DSC3: variants seen among roughly 807,000 people sequenced by gnomAD.
DSC3 encodes the protein desmocollin-3.
Under a neutral mutation model 89.5 loss-of-function variants are expected in DSC3, and 97 were observed. That is an observed-to-expected ratio of 1.08 (90% confidence interval 0.92 to 1.28). DSC3 has a LOEUF of 1.28. Ranked by LOEUF, DSC3 falls within the 50% of genes most tolerant of loss-of-function variation. DSC3 has a pLI of 0.00. For missense variants in DSC3, 1,199 were observed against 1,085.3 expected, an observed-to-expected ratio of 1.10 and a Z score of -1.47; for synonymous variants, 436 against 384.1, an observed-to-expected ratio of 1.14 and a Z score of -1.58.
chr18:31,006,169 C>CCG (rs1463008071), intron 12 of DSC3, among the ~76,000 whole-genome samples: 1 of 152,108 alleles, frequency 6.6e-6, no homozygotes, highest in Non-Finnish European at 1.5e-5. Context: ...TTGCTATATC[C>CCG]CGCCAGGTTC....
intron 9 of DSC3, among the ~76,000 whole-genome samples, 168 bp from the exon 10 acceptor site, chr18:31,008,693 G>A (rs1310785908): frequency 6.6e-6 from 1 of 152,170 alleles, no homozygotes; most frequent in African/African-American, 2.4e-5. Context: ...CCCGTGCTAA[G>A]CCTCTACCAA....
chr18:31,032,158 T>C (rs1466434664), intron 2 of DSC3, 34 bp downstream of exon 2: 1 of 1,485,052 alleles, frequency 6.7e-7, no homozygotes, highest in Non-Finnish European at 9.4e-7. Context: ...GTAAACTAAA[T>C]TTCTGCTTTA....
At chr18:31,041,258 T>C (rs548102654) in intron 1 of DSC3, among the ~76,000 whole-genome samples, 2 of 152,212 alleles carry the variant, frequency 1.3e-5, no homozygotes, top group Non-Finnish European at 2.9e-5. Context: ...GCTTGTAAAC[T>C]GAAAAGCTGA....
At chr18:30,996,690 A>C in intron 15 of DSC3, 101 bp downstream of exon 15, 1 of 1,412,190 alleles carries the variant, frequency 7.1e-7, no homozygotes. Context: ...AGCAAGAGAG[A>C]GCCCACAGAA....
chr18:31,017,927 C>T (rs557796380), intron 9 of DSC3, 144 bp downstream of exon 9: 55 of 598,456 alleles, frequency 9.2e-5, no homozygotes, highest in Non-Finnish European at 1.3e-4. Context: ...GACACACAGG[C>T]ATGAGATTGG....
In DSC3 at chr18:30,997,060, A is replaced by AAAT. The variant is rs1344066553; in HGVS notation, c.2236-15_2236-13dup. 3.1e-6 allele frequency: 5 copies of AAAT among 1,614,166 alleles called. No individual in the cohort carries two copies. The highest frequency in any genetic ancestry group is 1.6e-4 in the Middle Eastern group (1 of 6,062). On this transcript the variant is annotated splice_polypyrimidine_tract_variant and intron_variant, in intron 14 of 15. Coordinates refer to ENST00000360428, the MANE Select transcript of DSC3 (RefSeq NM_001941.5). ...CCATTGGCAGAGCACTGAAATAATA[A>AAAT]AATGAAATAATTCATGTTGAGAGGA...
intron 9 of DSC3, among the ~76,000 whole-genome samples, chr18:31,011,724 G>A (rs1985065097): frequency 6.6e-6 from 1 of 151,938 alleles, no homozygotes; most frequent in Non-Finnish European, 1.5e-5. Context: ...CAGGCACGGT[G>A]GCTCACGTCT....
intron 9 of DSC3, among the ~76,000 whole-genome samples, chr18:31,015,972 CCTCTAGTTGACCTCAATG>C (rs1985222620): frequency 6.6e-6 from 1 of 152,100 alleles, no homozygotes; most frequent in African/African-American, 2.4e-5. Context: ...AGGACAGAGA[CCTCTAGTTGACCTCAATG>C]CTCATTATAT....
intron 9 of DSC3, among the ~76,000 whole-genome samples, chr18:31,012,257 T>A (rs1055657973): frequency 3.9e-5 from 6 of 152,064 alleles, no homozygotes; most frequent in Non-Finnish European, 8.8e-5. Flanking sequence ...AAATATAATT[T>A]AAAAAGTAAA....
chr18:31,022,694 G>A (rs926285823), intron 6 of DSC3, among the ~76,000 whole-genome samples, 192 bp from the exon 7 acceptor site: 1 of 152,112 alleles, frequency 6.6e-6, no homozygotes, highest in Middle Eastern at 3.2e-3. Context: ...ATAACACTTT[G>A]ATGCTGAAAA....
intron 1 of DSC3, among the ~76,000 whole-genome samples, chr18:31,042,075 A>G (rs933758130): frequency 2.6e-5 from 4 of 152,006 alleles, no homozygotes; most frequent in African/African-American, 9.7e-5. Flanking sequence ...CCCACTTCTC[A>G]GGGGCAGCCC....
At chr18:31,002,310 C>A (rs114184718) in intron 13 of DSC3, among the ~76,000 whole-genome samples, 3,069 of 152,178 alleles carry the variant, frequency 0.02, 114 homozygotes, top group African/African-American at 0.07. Context: ...TGGCAAAATC[C>A]CCAAACCCAG....
chr18:31,004,002 A>G, intron 13 of DSC3, 140 bp downstream of exon 13: 1 of 649,226 alleles, frequency 1.5e-6, no homozygotes, highest in East Asian at 2.7e-5. Flanking sequence ...TTCAAACACA[A>G]CTCAGGTAAT....
At position 31,007,121 on chromosome 18, in the gene DSC3, T is replaced by A. The variant is rs1235600566; in HGVS notation, c.1674A>T (p.Ser558=). The change falls in exon 12 of 16, where the codon TCA becomes TCT. Residue 558 remains serine, a synonymous_variant. Transcript: ENST00000360428. ...TVLAIDKDDR[S]CTGTLAVNIE... ...TGTTCACAGCAAGTGTTCCAGTACA[T>A]GATCTATCATCTAAGGAGACAGGAA... is the stretch of plus-strand genomic sequence containing the variant. 1.2e-6 allele frequency: 2 copies of A among 1,611,136 alleles called. No individual in the cohort carries two copies. The highest frequency in any genetic ancestry group is 1.7e-6 in the Non-Finnish European group (2 of 1,177,426).
chr18:31,028,813 A>G (rs1237109526), intron 4 of DSC3, among the ~76,000 whole-genome samples: 2 of 152,114 alleles, frequency 1.3e-5, no homozygotes, highest in Non-Finnish European at 2.9e-5. Flanking sequence ...ATTAAGATAA[A>G]GTTAAACTTA....
chr18:31,012,329 T>C (rs1425132398), intron 9 of DSC3, among the ~76,000 whole-genome samples: 2 of 152,116 alleles, frequency 1.3e-5, no homozygotes, highest in Admixed American at 1.3e-4. Context: ...GCAAATGAAG[T>C]AATGGCTTTA....
In DSC3 at chr18:30,989,459, G is replaced by T. The variant is rs1240655372; in HGVS notation, c.*4716C>A. On this transcript the variant is annotated 3_prime_UTR_variant, in exon 16 of 16. Transcript: ENST00000360428. ...TTGCCAGGGGATAATGCAGGGAGGG[G>T]AAGAGGAGAATGACTGCTTAAAAGG... Among the ~76,000 whole-genome samples, 1 of 152,096 alleles carries T rather than the reference G, an allele frequency of 6.6e-6. No homozygotes were observed. The highest frequency in any genetic ancestry group is 1.5e-5 in the Non-Finnish European group (1 of 68,010).
intron 9 of DSC3, among the ~76,000 whole-genome samples, chr18:31,017,012 T>C (rs920265534): frequency 1.4e-4 from 22 of 152,210 alleles, no homozygotes; most frequent in African/African-American, 5.1e-4. Flanking sequence ...AAAGACTAGA[T>C]TGATTTGGAC....
At chr18:31,001,382 A>G (rs1984653709) in intron 14 of DSC3, among the ~76,000 whole-genome samples, 1 of 152,014 alleles carries the variant, frequency 6.6e-6, no homozygotes, top group African/African-American at 2.4e-5. Flanking sequence ...ACATCAAAGA[A>G]CAAGTTTAAA....
Sources: gnomAD v4.1 joint callset for allele counts (sites outside exome capture counted in the v4.1 genomes callset) on GRCh38, gnomAD v4.1.1 for gene constraint, MANE v1.5 for transcripts, NCBI Gene and HGNC (gene_info 2026-07-23, HGNC 2026-07-21) for gene names.